The following PRKN variants were observed in gnomAD, a reference collection of about 807,000 sequenced individuals.
PRKN encodes the protein parkin RBR E3 ubiquitin protein ligase, also known as E3 ubiquitin-protein ligase parkin.
In PRKN, 56 loss-of-function variants were observed where a neutral mutation model predicts 59.5. The ratio of observed to expected loss-of-function variants is 0.94; its 90% CI spans 0.76 to 1.18. PRKN has a LOEUF of 1.18. Ranked by LOEUF, PRKN falls within the 50% of genes most tolerant of loss-of-function variation. The pLI is 0.00. For synonymous variants in PRKN, 250 were observed against 222.1 expected (o/e 1.13, Z -1.12); for missense variants, 657 against 596.4 (o/e 1.10, Z -1.06).
rs1259924839 is a variant in PRKN, at chr6:161,708,531, C to T, written c.871+77241G>A. 2.0e-5 allele frequency among the ~76,000 whole-genome samples: 3 copies of T among 150,186 alleles called. 1 individual carries two copies. In the South Asian group the frequency reaches 6.3e-4, roughly 32 times the overall value. ...TTCTGTGTATGGGGGGGAGGTATTT[C>T]TGGACTTAGTGACATTGCAACAGGA... On this transcript the variant is annotated intron_variant, in intron 7 of 11. Coordinates refer to ENST00000366898, the MANE Select transcript of PRKN (RefSeq NM_004562.3).
intron 1 of PRKN, among the ~76,000 whole-genome samples, chr6:162,614,187 G>C (rs1287452774): frequency 6.6e-6 from 1 of 152,088 alleles, no homozygotes; most frequent in African/African-American, 2.4e-5. Flanking sequence ...ACATGTAAGA[G>C]ATATCTGAAC....
At chr6:162,489,243 G>C (rs992090202) in intron 1 of PRKN, among the ~76,000 whole-genome samples, 1 of 152,140 alleles carries the variant, frequency 6.6e-6, no homozygotes, top group African/African-American at 2.4e-5. Flanking sequence ...TAATCTCTAT[G>C]AAACAATCAA....
At chr6:161,427,599 G>A (rs866677998) in intron 9 of PRKN, among the ~76,000 whole-genome samples, 1 of 152,116 alleles carries the variant, frequency 6.6e-6, no homozygotes. Context: ...CATGAAATCT[G>A]ACATGTGAAA....
intron 1 of PRKN, among the ~76,000 whole-genome samples, chr6:162,531,219 G>A (rs918661394): frequency 1.1e-4 from 17 of 151,932 alleles, no homozygotes; most frequent in Non-Finnish European, 2.2e-4. Flanking sequence ...TTAGCTGGGG[G>A]TGGTGGTACA....
chr6:162,019,901 C>T (rs1783069501), intron 5 of PRKN, among the ~76,000 whole-genome samples: 1 of 152,066 alleles, frequency 6.6e-6, no homozygotes. Flanking sequence ...CGCCTGTAAT[C>T]CCAGCTACTC....
rs193004457 is a variant in PRKN at position 162,557,829 on chromosome 6, G to C, written c.8-114356C>G. 1.1e-4 allele frequency among the ~76,000 whole-genome samples: 16 copies of C among 152,222 alleles called. No individual in the cohort carries two copies. The East Asian group carries it at 3.1e-3, about 29-fold the overall frequency. On this transcript the variant is annotated intron_variant, in intron 1 of 11. Coordinates refer to ENST00000366898, the MANE Select transcript of PRKN (RefSeq NM_004562.3). ...TCGGCGGATGGTGCTGTTAACAACAGTATCTATCCTTGACAATATAGGGCT... is the reference window on the plus strand; with the variant it reads ...TCGGCGGATGGTGCTGTTAACAACACTATCTATCCTTGACAATATAGGGCT...
At chr6:162,487,903 C>T (rs1437366476) in intron 1 of PRKN, among the ~76,000 whole-genome samples, 1 of 151,942 alleles carries the variant, frequency 6.6e-6, no homozygotes, top group Non-Finnish European at 1.5e-5. Flanking sequence ...AAGTGCGACC[C>T]CCATCTCTAC....
intron 6 of PRKN, among the ~76,000 whole-genome samples, chr6:161,860,884 C>T (rs1354197164): frequency 6.6e-6 from 1 of 152,172 alleles, no homozygotes; most frequent in African/African-American, 2.4e-5. Flanking sequence ...AATGAGATAC[C>T]ATCTTACACC....
At chr6:161,936,890 A>T (rs1178421963) in intron 6 of PRKN, among the ~76,000 whole-genome samples, 1 of 151,072 alleles carries the variant, frequency 6.6e-6, no homozygotes, top group Non-Finnish European at 1.5e-5. Flanking sequence ...GGTGCAACTG[A>T]TTATCCTGCC....
intron 6 of PRKN, among the ~76,000 whole-genome samples, chr6:161,851,611 G>A (rs878894801): frequency 6.6e-6 from 1 of 151,506 alleles, no homozygotes; most frequent in Admixed American, 6.6e-5. Context: ...TCAGCCTCCT[G>A]AGCAGCTGGG....
At chr6:162,707,109 T>C (rs1286137754) in intron 1 of PRKN, among the ~76,000 whole-genome samples, 13 of 129,678 alleles carry the variant, frequency 1.0e-4, no homozygotes, top group African/African-American at 3.8e-4. Context: ...ATATAAAGGA[T>C]GCTTTCTAAT....
chr6:162,537,359 T>A (rs1284457053), intron 1 of PRKN, among the ~76,000 whole-genome samples: 2 of 152,210 alleles, frequency 1.3e-5, no homozygotes, highest in African/African-American at 2.4e-5. Context: ...TATCACCACA[T>A]GTTCCCGCTT....
intron 6 of PRKN, among the ~76,000 whole-genome samples, chr6:161,869,758 G>T (rs561129141): frequency 2.0e-5 from 3 of 152,148 alleles, no homozygotes; most frequent in African/African-American, 4.8e-5. Context: ...TTGTTTTCCT[G>T]CCAACTTATT....
At chr6:162,101,407 G>A (rs752809595) in intron 4 of PRKN, among the ~76,000 whole-genome samples, 1 of 151,724 alleles carries the variant, frequency 6.6e-6, no homozygotes, top group East Asian at 2.0e-4. Context: ...GGTGGCTCAC[G>A]CCTGTAATCC....
chr6:162,604,696 CCTT>C (rs1235334720), intron 1 of PRKN, among the ~76,000 whole-genome samples: 3 of 123,010 alleles, frequency 2.4e-5, no homozygotes, highest in Non-Finnish European at 3.3e-5. Context: ...CTTTCTCTCT[CCTT>C]TTTTTTTTTT....
intron 7 of PRKN, among the ~76,000 whole-genome samples, chr6:161,749,829 C>T (rs1788600550): frequency 1.3e-5 from 2 of 152,038 alleles, no homozygotes; most frequent in Admixed American, 1.3e-4. Flanking sequence ...CTCCGTTGCT[C>T]CCCACCCACA....
intron 1 of PRKN, among the ~76,000 whole-genome samples, chr6:162,701,412 T>C (rs562100594): frequency 6.6e-6 from 1 of 152,094 alleles, no homozygotes; most frequent in East Asian, 1.9e-4. Context: ...AGAACCGTGG[T>C]AGAATCACAA....
chr6:161,553,220 C>T (rs1780107594), intron 8 of PRKN, among the ~76,000 whole-genome samples: 1 of 151,408 alleles, frequency 6.6e-6, no homozygotes, highest in Non-Finnish European at 1.5e-5. Context: ...TACAGAGTTT[C>T]CCAGTCTTCA....
chr6:162,242,711 T>A (rs546548708), intron 3 of PRKN, among the ~76,000 whole-genome samples: 1 of 152,124 alleles, frequency 6.6e-6, no homozygotes, highest in Non-Finnish European at 1.5e-5. Context: ...CAAAAATGAC[T>A]CATGTCTACC....
Sources: allele counts gnomAD v4.1 joint callset (sites outside exome capture counted in the v4.1 genomes callset), GRCh38; gene constraint gnomAD v4.1.1; transcripts MANE v1.5; gene names NCBI Gene and HGNC (gene_info 2026-07-23, HGNC 2026-07-21).